PARD3: variants seen among roughly 807,000 people sequenced by gnomAD.
PARD3 encodes par-3 family cell polarity regulator.
Under a neutral mutation model 155.4 loss-of-function variants are expected in PARD3, and 75 were observed. That is an observed-to-expected ratio of 0.48 (90% CI 0.40 to 0.58). The LOEUF (loss-of-function observed/expected upper bound fraction) is 0.58, where lower values mean the gene tolerates loss of function less well. Among genes scored for constraint, PARD3 ranks in the 20% least tolerant of loss-of-function variants. PARD3 has a pLI of 0.00. For missense variants in PARD3, 1,642 were observed against 1,721.7 expected (o/e 0.95, Z 0.82); for synonymous variants, 576 against 610.5 (o/e 0.94, Z 0.83).
intron 2 of PARD3, among the ~76,000 whole-genome samples, chr10:34,572,959 G>C (rs933257072): frequency 2.0e-5 from 3 of 151,976 alleles, no homozygotes; most frequent in Admixed American, 2.0e-4. Context: ...ATCCTAAAAA[G>C]GTCTCAACGT....
At chr10:34,385,998 A>G (rs1287363241) in intron 7 of PARD3, among the ~76,000 whole-genome samples, 1 of 152,262 alleles carries the variant, frequency 6.6e-6, no homozygotes, top group Non-Finnish European at 1.5e-5. Context: ...TATCATTTCT[A>G]CTAAAGATAT....
intron 22 of PARD3, among the ~76,000 whole-genome samples, chr10:34,231,787 T>TA (rs1952947435): frequency 6.6e-6 from 1 of 151,926 alleles, no homozygotes; most frequent in African/African-American, 2.4e-5. Flanking sequence ...CTGAACTCAT[T>TA]AGGGATATAT....
intron 5 of PARD3, among the ~76,000 whole-genome samples, chr10:34,447,887 T>C (rs754725562): frequency 1.3e-5 from 2 of 152,022 alleles, no homozygotes; most frequent in Non-Finnish European, 2.9e-5. Flanking sequence ...CTGCTGGTGG[T>C]AATGTAAATT....
chr10:34,176,100 A>G (rs977027891), intron 22 of PARD3, among the ~76,000 whole-genome samples: 1 of 152,194 alleles, frequency 6.6e-6, no homozygotes, highest in Non-Finnish European at 1.5e-5. Flanking sequence ...CTAATTTGAC[A>G]TGATTTTTAC....
chr10:34,377,207 T>C (rs958541769), intron 10 of PARD3, among the ~76,000 whole-genome samples: 2 of 152,228 alleles, frequency 1.3e-5, no homozygotes, highest in African/African-American at 2.4e-5. Context: ...CATTTCCACA[T>C]TGCCAGACAT....
chr10:34,657,480 A>C (rs769135788), intron 2 of PARD3, among the ~76,000 whole-genome samples: 1 of 152,096 alleles, frequency 6.6e-6, no homozygotes, highest in Non-Finnish European at 1.5e-5. Context: ...AAGCCACATG[A>C]TTTTAGTAAT....
At chr10:34,174,113 C>A (rs148826670) in intron 22 of PARD3, among the ~76,000 whole-genome samples, 41 of 152,284 alleles carry the variant, frequency 2.7e-4, no homozygotes, top group African/African-American at 9.1e-4. Context: ...TGTCACCAAG[C>A]ATAACGATGC....
chr10:34,261,943 T>C (rs552993423), intron 22 of PARD3, among the ~76,000 whole-genome samples: 6 of 152,340 alleles, frequency 3.9e-5, no homozygotes, highest in African/African-American at 1.2e-4. Context: ...CAATGGACAT[T>C]ATAAATGCCA....
At chr10:34,175,726 A>C (rs1319835523) in intron 22 of PARD3, among the ~76,000 whole-genome samples, 1 of 152,246 alleles carries the variant, frequency 6.6e-6, no homozygotes, top group Non-Finnish European at 1.5e-5. Flanking sequence ...AGGAAATACA[A>C]AGTGAATATT....
At chr10:34,529,898 C>T (rs2082727846) in intron 2 of PARD3, among the ~76,000 whole-genome samples, 1 of 151,994 alleles carries the variant, frequency 6.6e-6, no homozygotes, top group African/African-American at 2.4e-5. Flanking sequence ...CCAAGCCCGG[C>T]TAATTTTTGT....
chr10:34,758,660 A>G (rs746489149), intron 1 of PARD3, among the ~76,000 whole-genome samples: 47 of 152,228 alleles, frequency 3.1e-4, no homozygotes, highest in Admixed American at 1.0e-3. Flanking sequence ...TAATATGGAA[A>G]TGTGTTTTAA....
At chr10:34,420,203 A>G (rs1589507737) in intron 5 of PARD3, among the ~76,000 whole-genome samples, 2 of 152,338 alleles carry the variant, frequency 1.3e-5, no homozygotes, top group East Asian at 1.9e-4. Context: ...GTATCCCCAC[A>G]GTGCAAATAT....
At chr10:34,550,928 C>T (rs2133966116) in intron 2 of PARD3, among the ~76,000 whole-genome samples, 1 of 152,108 alleles carries the variant, frequency 6.6e-6, no homozygotes, top group Middle Eastern at 3.4e-3. Context: ...TTACATATGC[C>T]CTTCACTTTC....
chr10:34,504,238 C>T lies in PARD3; in HGVS notation c.403+12741G>A, dbSNP rs79851553. On this transcript the variant is annotated intron_variant, in intron 3 of 24. Transcript: ENST00000374788. ...CGAACTCCTTGGTTCAAACGAGCCA[C>T]TTGCCTTGGCCTCCTGAGTAGCTGT... Among the ~76,000 whole-genome samples, 777 of 151,996 alleles carry T rather than the reference C, an allele frequency of 5.1e-3. 6 individuals are homozygous for T. Among genetic ancestry groups the T allele is most frequent in the African/African-American group, 0.018 (736 of 41,456 alleles).
At chr10:34,619,749 T>C (rs959670248) in intron 2 of PARD3, among the ~76,000 whole-genome samples, 3 of 152,168 alleles carry the variant, frequency 2.0e-5, no homozygotes, top group African/African-American at 7.2e-5. Flanking sequence ...GTTAAAAATC[T>C]TTGAATGTCC....
At chr10:34,410,903 T>C (rs983586333) in intron 5 of PARD3, among the ~76,000 whole-genome samples, 1 of 152,192 alleles carries the variant, frequency 6.6e-6, no homozygotes, top group Non-Finnish European at 1.5e-5. Context: ...CCATAGAGCA[T>C]GCAGGCATCC....
intron 4 of PARD3, among the ~76,000 whole-genome samples, chr10:34,453,504 C>T (rs1312732973): frequency 6.6e-6 from 1 of 152,116 alleles, no homozygotes; most frequent in Non-Finnish European, 1.5e-5. Context: ...TTTATGTTCC[C>T]TATTTCACAT....
At chr10:34,730,329 C>T (rs2094794303) in intron 1 of PARD3, among the ~76,000 whole-genome samples, 1 of 152,102 alleles carries the variant, frequency 6.6e-6, no homozygotes, top group Non-Finnish European at 1.5e-5. Context: ...ATAAATTAAC[C>T]AGACCTGGAA....
chr10:34,769,419 A>G (rs1372289097), intron 1 of PARD3, among the ~76,000 whole-genome samples: 3 of 152,120 alleles, frequency 2.0e-5, no homozygotes, highest in Non-Finnish European at 4.4e-5. Context: ...GTCAGCCCTG[A>G]ATTCAGCCCA....
Sources: allele counts gnomAD v4.1 joint callset (sites outside exome capture counted in the v4.1 genomes callset), GRCh38; gene constraint gnomAD v4.1.1; transcripts MANE v1.5; gene names NCBI Gene and HGNC (gene_info 2026-07-23, HGNC 2026-07-21).